Variants in ZSWIM5 observed in about 807,000 individuals in gnomAD.
The protein encoded by ZSWIM5 is zinc finger SWIM domain-containing protein 5.
In ZSWIM5, 55 loss-of-function variants were observed where a neutral mutation model predicts 119.6. The observed-to-expected ratio is 0.46, with a 90% CI of 0.37 to 0.58. The LOEUF (loss-of-function observed/expected upper bound fraction) is 0.58, where lower values mean the gene tolerates loss of function less well. ZSWIM5 is among the 20% of genes least tolerant of loss of function. The pLI is 0.00. For synonymous variants in ZSWIM5, 537 were observed against 606.9 expected, an observed-to-expected ratio of 0.88 and a Z score of 1.69; for missense variants, 1,193 against 1,512.8, an observed-to-expected ratio of 0.79 and a Z score of 3.51.
chr1:45,101,412 G>A (rs1339520873), intron 1 of ZSWIM5, among the ~76,000 whole-genome samples: 2 of 152,162 alleles, frequency 1.3e-5, no homozygotes, highest in Non-Finnish European at 2.9e-5. Context: ...GAGAGGATGT[G>A]GAGAAATAGG....
chr1:45,206,117 T>C lies in ZSWIM5; in HGVS notation c.234A>G (p.Ala78=), dbSNP rs768040620. The stretch of plus-strand genomic sequence containing the variant: ...CGAAGCGCTCCTCCACCCGTTCGTA[T>C]GCCCACTTTTCCGCCACCGTCTTGG... The part of the protein sequence containing the change: ...CAAKTVAEKW[A]YERVEERFER... The change falls in exon 1 of 14, where the codon GCA becomes GCG. Residue 78 remains alanine (A), a synonymous_variant. Transcript: ENST00000359600. 1 of 1,611,526 alleles carries C rather than the reference T, an allele frequency of 6.2e-7. No homozygotes were observed. The highest frequency in any genetic ancestry group is 1.1e-5 in the South Asian group (1 of 90,884).
At chr1:45,074,072 G>A (rs900532888) in intron 2 of ZSWIM5, among the ~76,000 whole-genome samples, 1 of 151,910 alleles carries the variant, frequency 6.6e-6, no homozygotes, top group Non-Finnish European at 1.5e-5. Flanking sequence ...TTGCATCTCA[G>A]GGATAAATCC....
intron 2 of ZSWIM5, among the ~76,000 whole-genome samples, chr1:45,082,243 T>A (rs547356727): frequency 1.3e-5 from 2 of 151,590 alleles, no homozygotes; most frequent in East Asian, 1.9e-4. Context: ...GTTCACTTGT[T>A]TATCTGCTGA....
chr1:45,039,078 A>G lies in ZSWIM5; in HGVS notation c.1757-5T>C. 1 of 1,614,092 alleles carries G rather than the reference A, an allele frequency of 6.2e-7. No homozygotes were observed. The highest frequency in any genetic ancestry group is 8.5e-7 in the Non-Finnish European group (1 of 1,179,962). ...TGGTTCCTCTCTGCAACAGTTCTGGAAACAAGCAGGTTAAAATTTTAGACA... is the reference window on the plus strand; with the variant it reads ...TGGTTCCTCTCTGCAACAGTTCTGGGAACAAGCAGGTTAAAATTTTAGACA... On this transcript the variant is annotated splice_region_variant and splice_polypyrimidine_tract_variant and intron_variant, in intron 7 of 13. Coordinates refer to ENST00000359600, the MANE Select transcript of ZSWIM5 (RefSeq NM_020883.2).
At chr1:45,042,464 C>T (rs538306830) in intron 6 of ZSWIM5, among the ~76,000 whole-genome samples, 4 of 152,178 alleles carry the variant, frequency 2.6e-5, no homozygotes, top group African/African-American at 7.2e-5. Context: ...GGTGGTGACA[C>T]GGTGAGTCTG....
chr1:45,177,615 G>A (rs948680390), intron 1 of ZSWIM5, among the ~76,000 whole-genome samples: 6 of 152,026 alleles, frequency 3.9e-5, no homozygotes, highest in African/African-American at 9.7e-5. Flanking sequence ...AAGACAATTC[G>A]GGGAGATTGA....
At chr1:45,107,675 AT>A in intron 1 of ZSWIM5, among the ~76,000 whole-genome samples, 1 of 151,228 alleles carries the variant, frequency 6.6e-6, no homozygotes, top group South Asian at 2.1e-4. Flanking sequence ...TAGTGATTTA[AT>A]TTTCCCCCAA....
At chr1:45,109,721 G>A (rs1337508518) in intron 1 of ZSWIM5, among the ~76,000 whole-genome samples, 1 of 148,680 alleles carries the variant, frequency 6.7e-6, no homozygotes, top group East Asian at 2.0e-4. Flanking sequence ...ATCCATCCTG[G>A]GCGACAGAGC....
chr1:45,101,471 A>C (rs879819399), intron 1 of ZSWIM5, among the ~76,000 whole-genome samples: 4 of 152,336 alleles, frequency 2.6e-5, no homozygotes, highest in East Asian at 3.9e-4. Context: ...ACCATTGTGG[A>C]AGACAGTGTG....
In ZSWIM5 at chr1:45,085,528, G is replaced by GTTTTTTTTTT. The variant is rs771375917; in HGVS notation, c.952+2343_952+2352dup. On this transcript the variant is annotated intron_variant, in intron 2 of 13. Coordinates refer to ENST00000359600, the MANE Select transcript of ZSWIM5 (RefSeq NM_020883.2). ...GTTCTAGTTTTAGGTTAGTTTGTTT[G>GTTTTTTTTTT]TTTTTTTTTTTTTTTTTTTGCTCAT... Among the ~76,000 whole-genome samples, 9 of 112,752 alleles carry GTTTTTTTTTT rather than the reference G, an allele frequency of 8.0e-5. No homozygotes were observed. The East Asian group carries it at 8.4e-4, about 10-fold the overall frequency. 74.0% of individuals were successfully genotyped at this position (112,752 alleles called of 152,430 possible).
chr1:45,187,939 G>A (rs1056871883), intron 1 of ZSWIM5, among the ~76,000 whole-genome samples: 1 of 152,216 alleles, frequency 6.6e-6, no homozygotes, highest in Admixed American at 6.5e-5. Context: ...TAATAAATAA[G>A]ATAGATAATA....
At position 45,206,526 on chromosome 1, in the gene ZSWIM5, C is replaced by T; in HGVS notation, c.-176G>A. 1 of 1,046,320 alleles carries T rather than the reference C, an allele frequency of 9.6e-7. No homozygotes were observed. The highest frequency in any genetic ancestry group is 1.1e-6 in the Non-Finnish European group (1 of 871,614). 64.8% of individuals were successfully genotyped at this position (1,046,320 alleles called of 1,614,324 possible). A position where few individuals can be genotyped will look rare whatever the true frequency, so the allele number is the denominator to read the frequency against. On this transcript the variant is annotated 5_prime_UTR_variant, in exon 1 of 14. Transcript: ENST00000359600. ...GGAACCGCGGCCGGGCCCGGGAGCGCGCCGCGAGGGCAGACGCGGGCGGCC... is the reference window on the plus strand; with the variant it reads ...GGAACCGCGGCCGGGCCCGGGAGCGTGCCGCGAGGGCAGACGCGGGCGGCC...
At chr1:45,155,779 G>C (rs1645823466) in intron 1 of ZSWIM5, among the ~76,000 whole-genome samples, 1 of 152,172 alleles carries the variant, frequency 6.6e-6, no homozygotes, top group Non-Finnish European at 1.5e-5. Flanking sequence ...AATTAACTCA[G>C]GAATGGAAAA....
chr1:45,049,318 G>A (rs148489747), intron 5 of ZSWIM5, among the ~76,000 whole-genome samples: 97 of 152,186 alleles, frequency 6.4e-4, no homozygotes, highest in African/African-American at 2.3e-3. Context: ...ATTTTAAGAA[G>A]GTAGGAAGAA....
Position 45,036,124 on chromosome 1 carries a change from C to T in ZSWIM5, c.2070G>A (p.Glu690=), listed in dbSNP as rs1360949417. The change falls in exon 9 of 14, where the codon GAG becomes GAA. Residue 690 remains glutamate (E), a synonymous_variant. Coordinates refer to ENST00000359600, the MANE Select transcript of ZSWIM5 (RefSeq NM_020883.2). The stretch of plus-strand genomic sequence containing the variant: ...GCTCTTGGAGTTGGCTCAGGAGCTG[C>T]TCCTCATTACGGCATACCTTGTCCT... ...YAQDKVCRNE[E]QLLSQLQELQ... The T allele has an allele frequency of 1.2e-6, 2 of 1,614,090 alleles. No homozygotes were observed. The highest frequency in any genetic ancestry group is 1.7e-5 in the Admixed American group (1 of 60,004).
At chr1:45,036,686 A>G (rs1001393821) in intron 8 of ZSWIM5, among the ~76,000 whole-genome samples, 4 of 151,978 alleles carry the variant, frequency 2.6e-5, no homozygotes, top group Non-Finnish European at 5.9e-5. Flanking sequence ...CACCTTTGGG[A>G]TACAGCTTGG....
intron 5 of ZSWIM5, among the ~76,000 whole-genome samples, chr1:45,050,216 G>A (rs921934587): frequency 2.0e-5 from 3 of 152,036 alleles, no homozygotes; most frequent in South Asian, 2.1e-4. Flanking sequence ...TTAGCCGGGC[G>A]TGGTGGCTCT....
chr1:45,197,366 G>A (rs4660839), intron 1 of ZSWIM5, among the ~76,000 whole-genome samples: 22,125 of 151,852 alleles, frequency 0.15, 1,658 homozygotes, highest in Non-Finnish European at 0.16. Context: ...ATTATATCTC[G>A]GCTTTCTAGA....
chr1:45,158,331 G>C (rs762086745), intron 1 of ZSWIM5, among the ~76,000 whole-genome samples: 1 of 152,002 alleles, frequency 6.6e-6, no homozygotes, highest in Admixed American at 6.6e-5. Flanking sequence ...ACCATGCCTG[G>C]CTAATTTTTG....
Sources: gnomAD v4.1 joint callset for allele counts (sites outside exome capture counted in the v4.1 genomes callset) on GRCh38, gnomAD v4.1.1 for gene constraint, MANE v1.5 for transcripts, NCBI Gene and HGNC (gene_info 2026-07-23, HGNC 2026-07-21) for gene names.